PIANP: variants seen among roughly 807,000 people sequenced by gnomAD.
PIANP encodes PILR alpha-associated neural protein.
A neutral mutation model predicts 28.9 loss-of-function variants in PIANP; 14 were observed. The ratio of observed to expected loss-of-function variants is 0.49; its 90% CI spans 0.32 to 0.76. The LOEUF (loss-of-function observed/expected upper bound fraction) is 0.76. PIANP is among the 30% of genes least tolerant of loss of function. PIANP has a pLI of 0.03. For missense variants in PIANP, 322 were observed against 371.8 expected, an observed-to-expected ratio of 0.87 and a Z score of 1.10; for synonymous variants, 149 against 156.6, an observed-to-expected ratio of 0.95 and a Z score of 0.36.
Position 6,695,673 on chromosome 12 carries a change from G to A in PIANP, c.606-22C>T. On this transcript the variant is annotated intron_variant, in intron 4 of 4. Coordinates refer to ENST00000534837, the MANE Select transcript of PIANP (RefSeq NM_001244014.2). This position sits in a 1 kb window ranked among gnomAD's most constrained non-coding sequence, Gnocchi z 4.2. ...CCAGCTGGGGTACCAGAGGAAAAGA[G>A]GTTCTCTTGCACACTCAAGTAGCCC... 6.8e-7 allele frequency: 1 copy of A among 1,478,424 alleles called. No homozygotes were observed. Among genetic ancestry groups the A allele is most frequent in the Non-Finnish European group, 9.0e-7 (1 of 1,110,230 alleles). 91.6% of individuals were successfully genotyped at this position (1,478,424 alleles called of 1,614,324 possible).
In PIANP at chr12:6,700,411, G is replaced by A. The variant is rs902405114; in HGVS notation, c.-44+203C>T. 1 of 152,512 alleles carries A rather than the reference G, an allele frequency of 6.6e-6. No individual in the cohort carries two copies. The highest frequency in any genetic ancestry group is 1.5e-5 in the Non-Finnish European group (1 of 68,314). 9.4% of individuals were successfully genotyped at this position (152,512 alleles called of 1,614,324 possible). On this transcript the variant is annotated intron_variant, in intron 1 of 4. Coordinates refer to ENST00000534837, the MANE Select transcript of PIANP (RefSeq NM_001244014.2). The surrounding 1 kb of genome is among the most constrained non-coding windows in gnomAD (Gnocchi z 5.5). ...CGGGATGGAGGCAGCCGCGGGGACG[G>A]GGACGGCTGCGCCAGGGAGGGCGGG...
Position 6,695,746 on chromosome 12 carries a change from T to G in PIANP, c.606-95A>C, listed in dbSNP as rs1959842860. ...GTCACCCCCAGCCTCGCCCAGTCACTCCCAACATCTTATAGCAGAGAAACT... is the reference window on the plus strand; with the variant it reads ...GTCACCCCCAGCCTCGCCCAGTCACGCCCAACATCTTATAGCAGAGAAACT... On this transcript the variant is annotated intron_variant, in intron 4 of 4. Transcript: ENST00000534837. The surrounding 1 kb of genome is among the most constrained non-coding windows in gnomAD (Gnocchi z 4.2). 2.3e-5 allele frequency: 30 copies of G among 1,310,376 alleles called. No individual in the cohort carries two copies. The South Asian group carries it at 5.5e-4, about 24-fold the overall frequency. The allele number at this position is 1,310,376 out of a possible 1,614,324, so 81.2% of individuals were successfully genotyped here.
chr12:6,693,118 C>A (rs572315738), downstream of PIANP, among the ~76,000 whole-genome samples: 84 of 152,176 alleles, frequency 5.5e-4, no homozygotes, highest in Admixed American at 2.6e-3. Flanking sequence ...AGGGCTGTTA[C>A]AAGAGCCAAA....
rs1033874332 is a variant in PIANP at position 6,695,555 on chromosome 12, A to G, written c.702T>C (p.Ala234=). ...CGAAGGCCCCCAGCACAGTGACTCC[A>G]GCCGGGGACAGGTCTGTCAGTGGCT... The part of the protein sequence containing the change: ...SQQPLTDLSP[A]GVTVLGAFGD... Residue 234 remains alanine (A), a synonymous_variant, in exon 5 of 5, where the codon GCT becomes GCC. Transcript: ENST00000534837. This position sits in a 1 kb window ranked among gnomAD's most constrained non-coding sequence, Gnocchi z 4.2. 1 of 1,594,772 alleles carries G rather than the reference A, an allele frequency of 6.3e-7. No homozygotes were observed. The highest frequency in any genetic ancestry group is 1.1e-5 in the South Asian group (1 of 87,112).
rs776284977 is a variant in PIANP, at chr12:6,697,396, G to A, written c.414C>T (p.Leu138=). 23 of 1,613,938 alleles carry A rather than the reference G, an allele frequency of 1.4e-5. No individual in the cohort carries two copies. Among genetic ancestry groups the A allele is most frequent in the South Asian group, 1.1e-4 (10 of 91,094 alleles). The stretch of plus-strand genomic sequence containing the variant: ...AGTCTGAGTTGGGGTGTGGGGTTGC[G>A]AGCCCATGAGGGGCTGCAAAACCAT... ...LDYGFAAPHG[L]ATPHPNSDSM... Residue 138 remains leucine, a synonymous_variant, in exon 3 of 5, where the codon CTC becomes CTT. Transcript: ENST00000534837. The surrounding 1 kb of genome is among the most constrained non-coding windows in gnomAD (Gnocchi z 6.9).
In PIANP at chr12:6,696,563, G is replaced by A; in HGVS notation, c.524-39C>T. ...GAAGAAAGTTTTAGGGAGCCCCGAG[G>A]TGGTAGGAGCCAAGAGGGGCTGGGG... On this transcript the variant is annotated intron_variant, in intron 3 of 4. Coordinates refer to ENST00000534837, the MANE Select transcript of PIANP (RefSeq NM_001244014.2). The surrounding 1 kb of genome is among the most constrained non-coding windows in gnomAD (Gnocchi z 4.0). 1 of 1,476,752 alleles carries A rather than the reference G, an allele frequency of 6.8e-7. No individual in the cohort carries two copies. Among genetic ancestry groups the A allele is most frequent in the Non-Finnish European group, 9.2e-7 (1 of 1,092,026 alleles). The allele number at this position is 1,476,752 out of a possible 1,614,324, so 91.5% of individuals were successfully genotyped here.
rs1959841772 is a variant in PIANP, at chr12:6,695,732, C to T, written c.606-81G>A. The T allele has an allele frequency of 2.9e-6, 4 of 1,364,180 alleles. No individual in the cohort carries two copies. Among genetic ancestry groups the T allele is most frequent in the Non-Finnish European group, 3.8e-6 (4 of 1,051,620 alleles). The allele number at this position is 1,364,180 out of a possible 1,614,324, so 84.5% of individuals were successfully genotyped here. A position where few individuals can be genotyped will look rare whatever the true frequency, so the allele number is the denominator to read the frequency against. The stretch of plus-strand genomic sequence containing the variant: ...GGCCTGCACCAGTGGTCACCCCCAG[C>T]CTCGCCCAGTCACTCCCAACATCTT... On this transcript the variant is annotated intron_variant, in intron 4 of 4. Transcript: ENST00000534837. The surrounding 1 kb of genome is among the most constrained non-coding windows in gnomAD (Gnocchi z 4.2).
At chr12:6,693,750 C>T (rs1449586769), downstream of PIANP, 1 of 152,466 alleles carries the variant, frequency 6.6e-6, no homozygotes, top group African/African-American at 2.4e-5. Context: ...CCCCTCTCCT[C>T]CTCTCTACGG....
chr12:6,699,117 G>A (rs762016235), intron 1 of PIANP, among the ~76,000 whole-genome samples: 6 of 152,106 alleles, frequency 3.9e-5, no homozygotes, highest in Non-Finnish European at 7.4e-5. Context: ...AGTGGTGGGC[G>A]CCTGCAATCC....
rs1222050816 is a variant in PIANP at position 6,696,715 on chromosome 12, C to T, written c.524-191G>A. Among the ~76,000 whole-genome samples the T allele has an allele frequency of 6.6e-6, 1 of 152,132 alleles. No homozygotes were observed. Among genetic ancestry groups the T allele is most frequent in the African/African-American group, 2.4e-5 (1 of 41,410 alleles). ...ATTCCCCTGAGTTTTCAGCTCTTTT[C>T]CTCCACTTTCCCAAATGTATTTCAC... On this transcript the variant is annotated intron_variant, in intron 3 of 4. Transcript: ENST00000534837. The surrounding 1 kb of genome is among the most constrained non-coding windows in gnomAD (Gnocchi z 4.0).
At position 6,697,843 on chromosome 12, in the gene PIANP, T is replaced by C. The variant is rs529229814; in HGVS notation, c.18-51A>G. 1.3e-6 allele frequency: 2 copies of C among 1,499,902 alleles called. No homozygotes were observed. Among genetic ancestry groups the C allele is most frequent in the South Asian group, 2.7e-5 (2 of 74,302 alleles). 92.9% of individuals were successfully genotyped at this position (1,499,902 alleles called of 1,614,324 possible). The stretch of plus-strand genomic sequence containing the variant: ...GAGACACAGGCCTACTGTGGGCCTA[T>C]GTGAGGGAGGGACAGGTTCACACCA... On this transcript the variant is annotated intron_variant, in intron 2 of 4. Transcript: ENST00000534837. This position sits in a 1 kb window ranked among gnomAD's most constrained non-coding sequence, Gnocchi z 6.9.
chr12:6,693,726 C>A (rs1255185827), downstream of PIANP: 1 of 152,322 alleles, frequency 6.6e-6, no homozygotes, highest in African/African-American at 2.4e-5. Context: ...CCTGTGCCTC[C>A]TCCTAGCTGC....
At position 6,695,003 on chromosome 12, in the gene PIANP, C is replaced by G; in HGVS notation, c.*423G>C. On this transcript the variant is annotated 3_prime_UTR_variant, in exon 5 of 5. Coordinates refer to ENST00000534837, the MANE Select transcript of PIANP (RefSeq NM_001244014.2). This position sits in a 1 kb window ranked among gnomAD's most constrained non-coding sequence, Gnocchi z 4.2. Reference sequence around the variant, plus strand: ...ATGGGGGCTGTGCCGGCCCCTTGGCCTCCTGCTTGGCTGCACCCCAACATT... The same window carrying G: ...ATGGGGGCTGTGCCGGCCCCTTGGCGTCCTGCTTGGCTGCACCCCAACATT... The G allele has an allele frequency of 1.3e-6, 2 of 1,548,148 alleles. No homozygotes were observed. Among genetic ancestry groups the G allele is most frequent in the Non-Finnish European group, 1.7e-6 (2 of 1,145,340 alleles).
chr12:6,695,122 T>C lies in PIANP; in HGVS notation c.*304A>G. On this transcript the variant is annotated 3_prime_UTR_variant, in exon 5 of 5. Transcript: ENST00000534837. This position sits in a 1 kb window ranked among gnomAD's most constrained non-coding sequence, Gnocchi z 4.2. ...GGTAGGCCAGAATAGAAGGGGAAGT[T>C]CAAGACAAAGAGGGGGAATCAAGGT... The C allele has an allele frequency of 6.5e-7, 1 of 1,531,346 alleles. No homozygotes were observed. Among genetic ancestry groups the C allele is most frequent in the Non-Finnish European group, 8.8e-7 (1 of 1,138,182 alleles). 94.9% of individuals were successfully genotyped at this position (1,531,346 alleles called of 1,614,324 possible). A position where few individuals can be genotyped will look rare whatever the true frequency, so the allele number is the denominator to read the frequency against.
Position 6,695,354 on chromosome 12 carries a change from G to T in PIANP, c.*72C>A. Reference sequence around the variant, plus strand: ...CTGCCTCCTCACTACCCATCCAGAGGGCACCCCCACCCCAGCTCTGAAGAC... The same window carrying T: ...CTGCCTCCTCACTACCCATCCAGAGTGCACCCCCACCCCAGCTCTGAAGAC... On this transcript the variant is annotated 3_prime_UTR_variant, in exon 5 of 5. Transcript: ENST00000534837. This position sits in a 1 kb window ranked among gnomAD's most constrained non-coding sequence, Gnocchi z 4.2. 1 of 1,404,764 alleles carries T rather than the reference G, an allele frequency of 7.1e-7. No individual in the cohort carries two copies. The highest frequency in any genetic ancestry group is 9.3e-7 in the Non-Finnish European group (1 of 1,074,768). The allele number at this position is 1,404,764 out of a possible 1,614,324, so 87.0% of individuals were successfully genotyped here.
In PIANP at chr12:6,695,624, T is replaced by C. The variant is rs762552814; in HGVS notation, c.633A>G (p.Arg211=). 1.3e-5 allele frequency: 20 copies of C among 1,547,408 alleles called. No homozygotes were observed. The highest frequency in any genetic ancestry group is 1.7e-4 in the Middle Eastern group (1 of 5,804). ...FCWDRSQKRR[R]PSGQQGALRQ... The stretch of plus-strand genomic sequence containing the variant: ...TCAGGGCACCTTGCTGCCCTGAGGG[T>C]CTGCGTCGCTTCTGGCTGCGGTCCC... Residue 211 remains arginine (R), a synonymous_variant, in exon 5 of 5, where the codon AGA becomes AGG. Coordinates refer to ENST00000534837, the MANE Select transcript of PIANP (RefSeq NM_001244014.2). This position sits in a 1 kb window ranked among gnomAD's most constrained non-coding sequence, Gnocchi z 4.2.
rs757193774 is a variant in PIANP, at chr12:6,697,381, G to T, written c.429C>A (p.Pro143=). 2 of 1,614,070 alleles carry T rather than the reference G, an allele frequency of 1.2e-6. No homozygotes were observed. Among genetic ancestry groups the T allele is most frequent in the Non-Finnish European group, 1.7e-6 (2 of 1,179,906 alleles). Residue 143 remains proline, a synonymous_variant, in exon 3 of 5, where the codon CCC becomes CCA. Coordinates refer to ENST00000534837, the MANE Select transcript of PIANP (RefSeq NM_001244014.2). This position sits in a 1 kb window ranked among gnomAD's most constrained non-coding sequence, Gnocchi z 6.9. ...CATCACCTCGCATGGAGTCTGAGTTGGGGTGTGGGGTTGCGAGCCCATGAG... is the reference window on the plus strand; with the variant it reads ...CATCACCTCGCATGGAGTCTGAGTTTGGGTGTGGGGTTGCGAGCCCATGAG... ...AAPHGLATPH[P]NSDSMRGDGD...
At chr12:6,698,324 T>C in intron 1 of PIANP, 1 of 584,872 alleles carries the variant, frequency 1.7e-6, no homozygotes, top group Non-Finnish European at 3.1e-6. Context: ...CTCAGGTCCC[T>C]GTTACCTCTC....
At position 6,695,748 on chromosome 12, in the gene PIANP, C is replaced by G. The variant is rs1042117667; in HGVS notation, c.606-97G>C. ...CACCCCCAGCCTCGCCCAGTCACTC[C>G]CAACATCTTATAGCAGAGAAACTGG... On this transcript the variant is annotated intron_variant, in intron 4 of 4. Transcript: ENST00000534837. The surrounding 1 kb of genome is among the most constrained non-coding windows in gnomAD (Gnocchi z 4.2). The G allele has an allele frequency of 4.6e-6, 6 of 1,307,722 alleles. No homozygotes were observed. The highest frequency in any genetic ancestry group is 5.9e-6 in the Non-Finnish European group (6 of 1,011,966). 81.0% of individuals were successfully genotyped at this position (1,307,722 alleles called of 1,614,324 possible).
Sources: allele counts gnomAD v4.1 joint callset (sites outside exome capture counted in the v4.1 genomes callset), GRCh38; gene constraint gnomAD v4.1.1; non-coding constraint Gnocchi (gnomAD v3.1); transcripts MANE v1.5; gene names NCBI Gene and HGNC (gene_info 2026-07-23, HGNC 2026-07-21).